The following SNX7 variants were observed in gnomAD, a reference collection of about 807,000 sequenced individuals.
SNX7 encodes the protein sorting nexin 7.
SNX7 carries 35 observed loss-of-function variants against 48.4 expected under a neutral mutation model. The observed-to-expected ratio is 0.72, with a 90% CI of 0.55 to 0.96. The LOEUF is 0.96. Ranked by LOEUF, SNX7 falls within the 40% of genes least tolerant of loss-of-function variation. The pLI is 0.00. For missense variants in SNX7, 553 were observed against 548.9 expected (o/e 1.01, Z -0.07); for synonymous variants, 190 against 190.2 (o/e 1.00, Z 0.01).
chr1:98,670,256 C>T (rs9727465), intron 1 of SNX7, among the ~76,000 whole-genome samples: 150,169 of 152,326 alleles, frequency 0.99, 74,045 homozygotes, highest in Middle Eastern at 1. Context: ...TCCAAGATAA[C>T]AATTTAGAAA....
chr1:98,716,261 G>T (rs560579585), intron 7 of SNX7, among the ~76,000 whole-genome samples: 2 of 152,184 alleles, frequency 1.3e-5, no homozygotes, highest in African/African-American at 2.4e-5. Flanking sequence ...TGGTAGGTTT[G>T]CCTCCTATCC....
At chr1:98,694,660 T>C (rs1253887638) in intron 4 of SNX7, among the ~76,000 whole-genome samples, 1 of 125,584 alleles carries the variant, frequency 8.0e-6, no homozygotes, top group Non-Finnish European at 1.6e-5. Flanking sequence ...CAGGCTGGAG[T>C]GCAGTGGCAT....
intron 1 of SNX7, chr1:98,662,561 C>T (rs977250535): frequency 1.2e-6 from 1 of 805,248 alleles, no homozygotes; most frequent in South Asian, 1.9e-5. Flanking sequence ...AATTTAGGAC[C>T]AAAGGCTCTT....
At chr1:98,723,427 A>G (rs916507471) in intron 7 of SNX7, among the ~76,000 whole-genome samples, 1 of 151,562 alleles carries the variant, frequency 6.6e-6, no homozygotes, top group Non-Finnish European at 1.5e-5. Flanking sequence ...GCTTGTATTT[A>G]TCATAAATTT....
chr1:98,713,447 C>T (rs908004957), intron 7 of SNX7, among the ~76,000 whole-genome samples: 1 of 151,086 alleles, frequency 6.6e-6, no homozygotes, highest in African/African-American at 2.4e-5. Flanking sequence ...AGCAATAAGG[C>T]TTTTTTTTTG....
At chr1:98,731,585 C>T (rs1426663852) in intron 7 of SNX7, among the ~76,000 whole-genome samples, 2 of 152,034 alleles carry the variant, frequency 1.3e-5, no homozygotes, top group Admixed American at 1.3e-4. Flanking sequence ...TAGGCTTTCT[C>T]ATCATTGTGT....
At chr1:98,691,937 A>ACACACACACACTCTCTCT (rs376006567) in intron 4 of SNX7, among the ~76,000 whole-genome samples, 1 of 131,066 alleles carries the variant, frequency 7.6e-6, no homozygotes, top group Non-Finnish European at 1.7e-5. Context: ...ACACACACAC[A>ACACACACACACTCTCTCT]CTCTCTCTCT....
chr1:98,675,023 T>C (rs565437437), intron 1 of SNX7, among the ~76,000 whole-genome samples: 2 of 152,322 alleles, frequency 1.3e-5, no homozygotes, highest in East Asian at 1.9e-4. Flanking sequence ...TAAAAAGATA[T>C]ATTTTCACCA....
intron 7 of SNX7, among the ~76,000 whole-genome samples, chr1:98,724,278 C>T (rs947618479): frequency 3.9e-5 from 6 of 152,100 alleles, no homozygotes; most frequent in African/African-American, 7.2e-5. Flanking sequence ...CCACTCTGGC[C>T]ATTGCTGGGT....
chr1:98,662,127 TC>T, intron 1 of SNX7: 1 of 396,758 alleles, frequency 2.5e-6, no homozygotes, highest in Non-Finnish European at 4.4e-6. Context: ...AGCCGCTCCC[TC>T]CTCCGCACTT....
chr1:98,750,393 G>A (rs764402350), intron 8 of SNX7, among the ~76,000 whole-genome samples: 1 of 151,930 alleles, frequency 6.6e-6, no homozygotes, highest in Non-Finnish European at 1.5e-5. Flanking sequence ...GTGAGCCTCA[G>A]TATCCTCATC....
chr1:98,694,196 C>G (rs1190094150), intron 4 of SNX7, among the ~76,000 whole-genome samples: 8 of 151,132 alleles, frequency 5.3e-5, no homozygotes, highest in South Asian at 2.1e-4. Flanking sequence ...CGGTGAAACC[C>G]CGTCTCTACT....
At chr1:98,661,615 C>T (rs1649214739), upstream of SNX7, 3 of 944,676 alleles carry the variant, frequency 3.2e-6, no homozygotes, top group Non-Finnish European at 2.7e-6. Flanking sequence ...GCGCAGCGGG[C>T]GAGGGGCTGG....
intron 2 of SNX7, among the ~76,000 whole-genome samples, chr1:98,690,462 A>G (rs1407209641): frequency 6.6e-6 from 1 of 152,234 alleles, no homozygotes; most frequent in African/African-American, 2.4e-5. Context: ...ATAACCCAAA[A>G]TAAAATTCTT....
chr1:98,705,360 T>C (rs1160434072), intron 7 of SNX7, among the ~76,000 whole-genome samples: 1 of 152,220 alleles, frequency 6.6e-6, no homozygotes, highest in African/African-American at 2.4e-5. Flanking sequence ...TACCTGTTTA[T>C]GAATTTTGTG....
intron 7 of SNX7, among the ~76,000 whole-genome samples, chr1:98,708,400 G>A (rs572422638): frequency 1.3e-5 from 2 of 152,256 alleles, no homozygotes; most frequent in South Asian, 4.1e-4. Flanking sequence ...GATCAAACCA[G>A]TCACATGGAG....
intron 8 of SNX7, among the ~76,000 whole-genome samples, chr1:98,739,208 C>T (rs953093497): frequency 1.3e-5 from 2 of 152,190 alleles, no homozygotes; most frequent in Middle Eastern, 3.4e-3. Flanking sequence ...TTGTGAGAAT[C>T]TAATGCTGCC....
intron 7 of SNX7, among the ~76,000 whole-genome samples, chr1:98,705,902 A>T (rs151112630): frequency 6.8e-4 from 104 of 152,284 alleles, no homozygotes; most frequent in African/African-American, 2.3e-3. Flanking sequence ...TAGAATCCAC[A>T]TCACTTAAAG....
chr1:98,736,550 C>T lies in SNX7; in HGVS notation c.1126-1687C>T, dbSNP rs144448087. 6.1e-3 allele frequency among the ~76,000 whole-genome samples: 927 copies of T among 152,238 alleles called. 6 individuals carry two copies. The highest frequency in any genetic ancestry group is 1.0e-2 in the Non-Finnish European group (679 of 68,024). On this transcript the variant is annotated intron_variant, in intron 7 of 8. Coordinates refer to ENST00000306121, the MANE Select transcript of SNX7 (RefSeq NM_015976.5). ...AAGATTCAGCAAAATACCCAGAAGA[C>T]TACAGATTCCCATACAGTATTCTCG...
Sources: allele counts gnomAD v4.1 joint callset (sites outside exome capture counted in the v4.1 genomes callset), GRCh38; gene constraint gnomAD v4.1.1; transcripts MANE v1.5; gene names NCBI Gene and HGNC (gene_info 2026-07-23, HGNC 2026-07-21).